GALNT7: variants seen among roughly 807,000 people sequenced by gnomAD.
GALNT7 encodes N-acetylgalactosaminyltransferase 7.
A neutral mutation model predicts 82.1 loss-of-function variants in GALNT7; 60 were observed. The observed-to-expected ratio is 0.73, with a 90% CI of 0.59 to 0.91. The LOEUF is 0.91. Ranked by LOEUF, GALNT7 falls within the 40% of genes least tolerant of loss-of-function variation. GALNT7 has a pLI of 0.00. For missense variants in GALNT7, 660 were observed against 804.2 expected (o/e 0.82, Z 2.17); for synonymous variants, 243 against 275.1 (o/e 0.88, Z 1.15).
At chr4:173,279,867 C>T (rs987801041) in intron 2 of GALNT7, among the ~76,000 whole-genome samples, 3 of 151,790 alleles carry the variant, frequency 2.0e-5, no homozygotes, top group South Asian at 2.1e-4. Flanking sequence ...CCCAGCTCTT[C>T]GGGGGGCTGA....
At chr4:173,294,418 C>T (rs1479975508) in intron 3 of GALNT7, among the ~76,000 whole-genome samples, 1 of 151,856 alleles carries the variant, frequency 6.6e-6, no homozygotes, top group African/African-American at 2.4e-5. Context: ...CAGATACCCA[C>T]GTGTATCTTA....
At chr4:173,315,878 T>G (rs1411540183) in intron 9 of GALNT7, 2 of 152,402 alleles carry the variant, frequency 1.3e-5, no homozygotes, top group African/African-American at 4.8e-5. Context: ...TGCTGATTTC[T>G]TGGTCAAAAA....
intron 5 of GALNT7, among the ~76,000 whole-genome samples, chr4:173,296,612 A>G (rs982639556): frequency 6.6e-6 from 1 of 152,234 alleles, no homozygotes; most frequent in Admixed American, 6.5e-5. Context: ...TGAAGAGGAT[A>G]CTGAGGCTTA....
At chr4:173,313,129 T>C (rs1737453279) in intron 8 of GALNT7, among the ~76,000 whole-genome samples, 1 of 152,134 alleles carries the variant, frequency 6.6e-6, no homozygotes, top group African/African-American at 2.4e-5. Context: ...TTTGGGGTTA[T>C]AGTAAAATAG....
In GALNT7 at chr4:173,292,006, G is replaced by C; in HGVS notation, c.588-102G>C. 1.4e-6 allele frequency: 1 copy of C among 690,160 alleles called. No individual in the cohort carries two copies. Among genetic ancestry groups the C allele is most frequent in the Non-Finnish European group, 2.5e-6 (1 of 401,312 alleles). The allele number at this position is 690,160 out of a possible 1,614,324, so 42.8% of individuals were successfully genotyped here. Reference sequence around the variant, plus strand: ...GGCTATATTTCATTCACTTACCGTAGTTAAGTCGATAGTATGTAATCCAAT... The same window carrying C: ...GGCTATATTTCATTCACTTACCGTACTTAAGTCGATAGTATGTAATCCAAT... On this transcript the variant is annotated intron_variant, in intron 2 of 11. Transcript: ENST00000265000. The surrounding 1 kb of genome is among the most constrained non-coding windows in gnomAD (Gnocchi z 4.8).
intron 1 of GALNT7, among the ~76,000 whole-genome samples, chr4:173,229,881 G>A (rs1376988091): frequency 6.6e-6 from 1 of 151,346 alleles, no homozygotes; most frequent in Non-Finnish European, 1.5e-5. Flanking sequence ...ATTTTTCTTG[G>A]TAAGCCTTTG....
intron 5 of GALNT7, among the ~76,000 whole-genome samples, chr4:173,296,341 A>C (rs1736716157): frequency 6.6e-6 from 1 of 152,192 alleles, no homozygotes; most frequent in African/African-American, 2.4e-5. Context: ...ATCACCATTA[A>C]ATTTCCAGAA....
chr4:173,207,918 T>G (rs1358451979), intron 1 of GALNT7, among the ~76,000 whole-genome samples: 1 of 152,224 alleles, frequency 6.6e-6, no homozygotes, highest in Non-Finnish European at 1.5e-5. Flanking sequence ...AATCTCATTT[T>G]TTTAACTTAT....
chr4:173,170,467 T>A (rs1731824650), intron 1 of GALNT7, among the ~76,000 whole-genome samples: 1 of 152,224 alleles, frequency 6.6e-6, no homozygotes, highest in African/African-American at 2.4e-5. Flanking sequence ...AGATGTAATC[T>A]GGAAGTTTTA....
rs369192569 is a variant in GALNT7, at chr4:173,189,886, T to C, written c.126+20925T>C. On this transcript the variant is annotated intron_variant, in intron 1 of 11. Coordinates refer to ENST00000265000, the MANE Select transcript of GALNT7 (RefSeq NM_017423.3). ...GAAGGCTGAACAATAGATTCAACTC[T>C]CAGTTGATTCTGTTGACTCTGTGTG... Among the ~76,000 whole-genome samples, 15 of 152,344 alleles carry C rather than the reference T, an allele frequency of 9.8e-5. No homozygotes were observed. In the East Asian group the frequency reaches 1.5e-3, roughly 16 times the overall value.
At chr4:173,310,728 A>ATGTTGT (rs767076130) in intron 8 of GALNT7, among the ~76,000 whole-genome samples, 4 of 151,874 alleles carry the variant, frequency 2.6e-5, no homozygotes, top group African/African-American at 4.8e-5. Context: ...TAATTTTTTT[A>ATGTTGT]TGTTGTTGTT....
intron 2 of GALNT7, among the ~76,000 whole-genome samples, chr4:173,286,885 T>C (rs1370801765): frequency 3.3e-5 from 5 of 152,216 alleles, no homozygotes; most frequent in Non-Finnish European, 7.4e-5. Flanking sequence ...CTAGGTACTT[T>C]ACTGAAGTCT....
chr4:173,203,091 TA>T (rs1732992410), intron 1 of GALNT7, among the ~76,000 whole-genome samples: 3 of 151,804 alleles, frequency 2.0e-5, no homozygotes, highest in Non-Finnish European at 4.4e-5. Flanking sequence ...TGGACAGCAA[TA>T]GTTAGGTCTT....
At chr4:173,171,989 C>T (rs1731890781) in intron 1 of GALNT7, among the ~76,000 whole-genome samples, 1 of 152,156 alleles carries the variant, frequency 6.6e-6, no homozygotes, top group East Asian at 1.9e-4. Flanking sequence ...AGGTCTGAAG[C>T]AACTCGATTC....
intron 8 of GALNT7, among the ~76,000 whole-genome samples, chr4:173,307,169 A>G (rs1737189495): frequency 6.6e-6 from 1 of 152,210 alleles, no homozygotes; most frequent in Admixed American, 6.5e-5. Context: ...TTTTTCTCTC[A>G]TTGCAGAAGT....
At chr4:173,288,000 G>A (rs1736387783) in intron 2 of GALNT7, among the ~76,000 whole-genome samples, 1 of 152,092 alleles carries the variant, frequency 6.6e-6, no homozygotes, top group Admixed American at 6.5e-5. Flanking sequence ...AAGAACATAT[G>A]AGGCCGGGCG....
chr4:173,176,386 G>A (rs754675194), intron 1 of GALNT7, among the ~76,000 whole-genome samples: 4 of 152,038 alleles, frequency 2.6e-5, no homozygotes, highest in Non-Finnish European at 5.9e-5. Context: ...CTGTTATTAG[G>A]GTGATTATTT....
chr4:173,272,275 T>G (rs1309492234), intron 2 of GALNT7, among the ~76,000 whole-genome samples: 1 of 152,182 alleles, frequency 6.6e-6, no homozygotes, highest in African/African-American at 2.4e-5. Flanking sequence ...TGTAGACCAT[T>G]AGAAATTGAG....
intron 1 of GALNT7, among the ~76,000 whole-genome samples, chr4:173,173,828 A>G (rs1731954763): frequency 1.3e-5 from 2 of 152,210 alleles, no homozygotes; most frequent in African/African-American, 4.8e-5. Flanking sequence ...TAGTAGGCCA[A>G]GAGGTTTTAT....
Sources: allele counts gnomAD v4.1 joint callset (sites outside exome capture counted in the v4.1 genomes callset), GRCh38; gene constraint gnomAD v4.1.1; non-coding constraint Gnocchi (gnomAD v3.1); transcripts MANE v1.5; gene names NCBI Gene and HGNC (gene_info 2026-07-23, HGNC 2026-07-21).